The following CDH18 variants were observed in gnomAD, a reference collection of about 807,000 sequenced individuals.
The protein encoded by CDH18 is cadherin-18.
CDH18 carries 31 observed loss-of-function variants against 67.9 expected under a neutral mutation model. That is an observed-to-expected ratio of 0.46 (90% CI 0.34 to 0.62). The LOEUF (loss-of-function observed/expected upper bound fraction) is 0.62. CDH18 is among the 20% of genes least tolerant of loss of function. CDH18 has a pLI of 0.01. For synonymous variants in CDH18, 362 were observed against 347.2 expected (o/e 1.04, Z -0.48); for missense variants, 890 against 975.5 (o/e 0.91, Z 1.17).
intron 2 of CDH18, among the ~76,000 whole-genome samples, chr5:19,999,070 A>G (rs1183480107): frequency 2.0e-5 from 3 of 152,212 alleles, no homozygotes; most frequent in African/African-American, 7.2e-5. Flanking sequence ...GTTAAAGAGA[A>G]AGTTAACTAT....
intron 6 of CDH18, among the ~76,000 whole-genome samples, chr5:19,593,708 C>CTCCTTCTTT (rs1745646989): frequency 3.7e-5 from 1 of 27,306 alleles, no homozygotes; most frequent in African/African-American, 8.4e-5. Context: ...CCTCCTCCTC[C>CTCCTTCTTT]TTCTTCTTCT....
chr5:19,637,177 T>C (rs1753279735), intron 5 of CDH18, among the ~76,000 whole-genome samples: 1 of 151,982 alleles, frequency 6.6e-6, no homozygotes, highest in South Asian at 2.1e-4. Flanking sequence ...TCTTCCTTCC[T>C]TTTTTCCTTC....
intron 1 of CDH18, among the ~76,000 whole-genome samples, chr5:20,301,178 TG>T (rs1332268481): frequency 8.5e-5 from 12 of 141,392 alleles, no homozygotes; most frequent in Non-Finnish European, 3.0e-5. Context: ...AGTGTTTTTT[TG>T]TTTTTTTGTT....
intron 2 of CDH18, among the ~76,000 whole-genome samples, chr5:19,872,150 T>C (rs1455815423): frequency 6.6e-6 from 1 of 152,162 alleles, no homozygotes; most frequent in Non-Finnish European, 1.5e-5. Context: ...AAAGACTATG[T>C]TACATTTGGT....
chr5:19,919,617 A>G (rs1293103372), intron 2 of CDH18, among the ~76,000 whole-genome samples: 1 of 152,350 alleles, frequency 6.6e-6, no homozygotes, highest in South Asian at 2.1e-4. Flanking sequence ...CTTGAAATAA[A>G]TTATAAGGGT....
intron 3 of CDH18, among the ~76,000 whole-genome samples, chr5:19,771,214 T>C (rs1441970273): frequency 1.3e-5 from 2 of 152,208 alleles, no homozygotes; most frequent in African/African-American, 4.8e-5. Context: ...TGTCGTCTTT[T>C]TGAGTTTGGG....
At chr5:20,093,265 T>C (rs1215412362) in intron 2 of CDH18, among the ~76,000 whole-genome samples, 1 of 151,642 alleles carries the variant, frequency 6.6e-6, no homozygotes. Flanking sequence ...ACGAATATAT[T>C]AACATTTTTC....
At chr5:20,408,836 A>G (rs1746522312) in intron 1 of CDH18, among the ~76,000 whole-genome samples, 1 of 151,826 alleles carries the variant, frequency 6.6e-6, no homozygotes, top group Non-Finnish European at 1.5e-5. Context: ...TGTTTTCTAC[A>G]AGAGATTCTA....
At chr5:19,522,405 T>C (rs546839167) in intron 9 of CDH18, among the ~76,000 whole-genome samples, 99 of 152,116 alleles carry the variant, frequency 6.5e-4, no homozygotes, top group Admixed American at 4.2e-3. Context: ...AAAAAAGATA[T>C]AAAGATATTA....
chr5:20,172,226 A>ACG (rs1554098787), intron 2 of CDH18, among the ~76,000 whole-genome samples: 1 of 105,834 alleles, frequency 9.4e-6, no homozygotes. Context: ...ATATATATGT[A>ACG]TATATATATA....
At chr5:20,301,806 T>C (rs1218803679) in intron 1 of CDH18, among the ~76,000 whole-genome samples, 1 of 119,690 alleles carries the variant, frequency 8.4e-6, no homozygotes, top group Non-Finnish European at 1.9e-5. Context: ...TTTTTTTTTT[T>C]TGGCATGCAG....
intron 5 of CDH18, among the ~76,000 whole-genome samples, chr5:19,719,903 G>GAGAAACAA (rs1765810210): frequency 7.6e-6 from 1 of 130,872 alleles, no homozygotes; most frequent in Non-Finnish European, 1.6e-5. Flanking sequence ...AGTTAAGCAA[G>GAGAAACAA]AGAAAGAAAG....
At position 20,188,425 on chromosome 5, in the gene CDH18, T is replaced by C. The variant is rs116671197; in HGVS notation, c.-518+67019A>G. On this transcript the variant is annotated intron_variant, in intron 2 of 14. Coordinates refer to the CDH18 transcript ENST00000507958. The stretch of plus-strand genomic sequence containing the variant: ...GAATCTACATTTATCCATACCCACA[T>C]TGGTACCATGGTTGACCATTTTCAT... Among the ~76,000 whole-genome samples, 1,276 of 152,130 alleles carry C rather than the reference T, an allele frequency of 8.4e-3. 8 individuals carry two copies. The highest frequency in any genetic ancestry group is 0.014 in the Non-Finnish European group (978 of 67,952).
At chr5:20,073,236 A>C (rs2150528485) in intron 2 of CDH18, among the ~76,000 whole-genome samples, 1 of 151,990 alleles carries the variant, frequency 6.6e-6, no homozygotes, top group African/African-American at 2.4e-5. Context: ...CTGATCTGTT[A>C]TTTCTTATTT....
At chr5:20,526,104 A>T (rs1006712650) in intron 1 of CDH18, among the ~76,000 whole-genome samples, 1 of 152,060 alleles carries the variant, frequency 6.6e-6, no homozygotes, top group Non-Finnish European at 1.5e-5. Flanking sequence ...GGAGGTTTGG[A>T]CTGGGTGGTA....
At chr5:20,135,600 G>T (rs971400462) in intron 2 of CDH18, among the ~76,000 whole-genome samples, 9 of 151,922 alleles carry the variant, frequency 5.9e-5, no homozygotes, top group Non-Finnish European at 1.0e-4. Flanking sequence ...CTTCAGTTCA[G>T]CTCTGATCAT....
intron 1 of CDH18, among the ~76,000 whole-genome samples, chr5:20,389,004 G>C (rs1171460722): frequency 6.6e-6 from 1 of 152,128 alleles, no homozygotes; most frequent in Non-Finnish European, 1.5e-5. Flanking sequence ...AGTGCAGTGT[G>C]GTGCTGAGAA....
chr5:20,497,436 G>A (rs1185626069), intron 1 of CDH18, among the ~76,000 whole-genome samples: 2 of 152,060 alleles, frequency 1.3e-5, no homozygotes, highest in African/African-American at 4.8e-5. Flanking sequence ...TCTTACCATT[G>A]TGTTACAATT....
In CDH18 at chr5:20,143,456, C is replaced by T. The variant is rs557407014; in HGVS notation, c.-518+111988G>A. On this transcript the variant is annotated intron_variant, in intron 2 of 14. Coordinates refer to the CDH18 transcript ENST00000507958. ...AATCATAGCTCACTGCAGCCTCAAA[C>T]TCCTGGGCTCAAGTGATCCTCCCAC... Among the ~76,000 whole-genome samples the T allele has an allele frequency of 9.9e-5, 15 of 152,168 alleles. No homozygotes were observed. In the South Asian group the frequency reaches 2.5e-3, roughly 25 times the overall value.
Sources: allele counts gnomAD v4.1 joint callset (sites outside exome capture counted in the v4.1 genomes callset), GRCh38; gene constraint gnomAD v4.1.1; transcripts MANE v1.5; gene names NCBI Gene and HGNC (gene_info 2026-07-23, HGNC 2026-07-21).